PLEKHF2: variants seen among roughly 807,000 people sequenced by gnomAD.
The protein encoded by PLEKHF2 is pleckstrin homology domain-containing family F member 2.
In PLEKHF2, 4 loss-of-function variants were observed where a neutral mutation model predicts 14.7. That is an observed-to-expected ratio of 0.27 (90% confidence interval 0.13 to 0.62). PLEKHF2 has a LOEUF of 0.62. PLEKHF2 is among the 20% of genes least tolerant of loss of function. PLEKHF2 has a pLI of 0.85. For missense variants in PLEKHF2, 201 were observed against 307.7 expected, an observed-to-expected ratio of 0.65 and a Z score of 2.60; for synonymous variants, 90 against 103.5, an observed-to-expected ratio of 0.87 and a Z score of 0.79.
chr8:95,152,368 A>AT (rs1810572788), intron 1 of PLEKHF2, among the ~76,000 whole-genome samples: 1 of 152,122 alleles, frequency 6.6e-6, no homozygotes, highest in South Asian at 2.1e-4. Context: ...TAGATTGGTG[A>AT]ATACACATAT....
chr8:95,135,045 C>T (rs1456186064), intron 1 of PLEKHF2, among the ~76,000 whole-genome samples: 3 of 152,064 alleles, frequency 2.0e-5, no homozygotes, highest in Non-Finnish European at 4.4e-5. Context: ...GGGGTCTTCA[C>T]GTTAATTCAG....
chr8:95,134,068 A>G (rs1342532230), intron 1 of PLEKHF2, 38 bp downstream of exon 1: 3 of 147,122 alleles, frequency 2.0e-5, no homozygotes, highest in Admixed American at 2.0e-4. Context: ...CCGGCTCCTG[A>G]CGGGCCGGGA....
chr8:95,134,808 GTTGT>G (rs964399216), intron 1 of PLEKHF2, among the ~76,000 whole-genome samples: 2 of 152,132 alleles, frequency 1.3e-5, no homozygotes, highest in African/African-American at 4.8e-5. Flanking sequence ...CACAAAACGC[GTTGT>G]TGATAAATGC....
chr8:95,141,528 C>CT (rs955573905), intron 1 of PLEKHF2, among the ~76,000 whole-genome samples: 18 of 150,030 alleles, frequency 1.2e-4, no homozygotes, highest in South Asian at 4.2e-4. Context: ...TACAGTGTAA[C>CT]TTTTTTTTTT....
intron 1 of PLEKHF2, among the ~76,000 whole-genome samples, chr8:95,142,759 T>C (rs1402561567): frequency 6.6e-6 from 1 of 152,174 alleles, no homozygotes; most frequent in Non-Finnish European, 1.5e-5. Flanking sequence ...TACCATGAGA[T>C]TGAAATTTTT....
intron 1 of PLEKHF2, among the ~76,000 whole-genome samples, chr8:95,151,771 G>A (rs1261027501): frequency 6.6e-6 from 1 of 151,862 alleles, no homozygotes; most frequent in Non-Finnish European, 1.5e-5. Flanking sequence ...CTAAGTGCCT[G>A]ACAAATACTT....
intron 1 of PLEKHF2, among the ~76,000 whole-genome samples, chr8:95,138,298 T>G (rs1331741329): frequency 6.6e-6 from 1 of 150,824 alleles, no homozygotes; most frequent in Non-Finnish European, 1.5e-5. Context: ...CTAAAATGAT[T>G]AAGATTTTAT....
intron 1 of PLEKHF2, among the ~76,000 whole-genome samples, chr8:95,144,285 T>C (rs1810468693): frequency 6.6e-6 from 1 of 152,252 alleles, no homozygotes; most frequent in Non-Finnish European, 1.5e-5. Context: ...TTTTCTAAAA[T>C]ATTCAACTAT....
chr8:95,135,067 G>T (rs7842334), intron 1 of PLEKHF2, among the ~76,000 whole-genome samples: 12,095 of 152,124 alleles, frequency 0.08, 654 homozygotes, highest in African/African-American at 0.14. Context: ...ATTAACGAAG[G>T]CTTCATTATA....
chr8:95,144,369 A>G (rs931974507), intron 1 of PLEKHF2, among the ~76,000 whole-genome samples: 6 of 152,200 alleles, frequency 3.9e-5, no homozygotes, highest in African/African-American at 1.2e-4. Flanking sequence ...AGTACCCTAA[A>G]TTAGTCATAG....
chr8:95,149,385 T>C (rs1055172745), intron 1 of PLEKHF2, among the ~76,000 whole-genome samples: 3 of 152,196 alleles, frequency 2.0e-5, no homozygotes, highest in African/African-American at 7.2e-5. Context: ...TATTTATTTA[T>C]GGGCTTTCTC....
At chr8:95,144,684 T>A (rs1810476595) in intron 1 of PLEKHF2, among the ~76,000 whole-genome samples, 1 of 151,926 alleles carries the variant, frequency 6.6e-6, no homozygotes, top group African/African-American at 2.4e-5. Flanking sequence ...CTGGCCAACA[T>A]GATGAAACCT....
chr8:95,137,052 T>C (rs1474550975), intron 1 of PLEKHF2, among the ~76,000 whole-genome samples: 1 of 152,210 alleles, frequency 6.6e-6, no homozygotes, highest in Non-Finnish European at 1.5e-5. Context: ...GTGAATGCAC[T>C]GGAAAGAAAG....
intron 1 of PLEKHF2, among the ~76,000 whole-genome samples, chr8:95,135,940 T>G (rs572318994): frequency 3.3e-5 from 5 of 152,302 alleles, no homozygotes; most frequent in African/African-American, 9.6e-5. Flanking sequence ...TGTGATGAAA[T>G]TTTTTCCTTA....
At chr8:95,140,110 T>G (rs1239991824) in intron 1 of PLEKHF2, among the ~76,000 whole-genome samples, 1 of 152,192 alleles carries the variant, frequency 6.6e-6, no homozygotes, top group Non-Finnish European at 1.5e-5. Context: ...GCAGATGTGT[T>G]TGTCTTGTGG....
chr8:95,154,394 C>T lies in PLEKHF2; in HGVS notation c.350C>T (p.Thr117Met), dbSNP rs374267775. Reference sequence around the variant, plus strand: ...TTTGCAGTTTATGCTGCCACTGCTACGGAGAAATCAGAATGGATGAATCAT... The same window carrying T: ...TTTGCAGTTTATGCTGCCACTGCTATGGAGAAATCAGAATGGATGAATCAT... ...KSFAVYAATATEKSEWMNHIN... is the reference protein window; with the variant it reads ...KSFAVYAATAMEKSEWMNHIN... Residue 117 changes from threonine (T) to methionine (M), a missense_variant, in exon 2 of 2, where the codon ACG becomes ATG. Physicochemically the swap from Thr to Met is moderately conservative, Grantham distance 81. Coordinates refer to ENST00000315367, the MANE Select transcript of PLEKHF2 (RefSeq NM_024613.4). The surrounding 1 kb of genome is among the most constrained non-coding windows in gnomAD (Gnocchi z 5.6). The T allele has an allele frequency of 1.2e-5, 20 of 1,613,948 alleles. No individual in the cohort carries two copies. The highest frequency in any genetic ancestry group is 2.2e-5 in the East Asian group (1 of 44,900).
chr8:95,151,140 G>T (rs557748560), intron 1 of PLEKHF2, among the ~76,000 whole-genome samples: 2 of 152,174 alleles, frequency 1.3e-5, no homozygotes, highest in Admixed American at 1.3e-4. Context: ...ATTATTAGAT[G>T]CTTCTTTGGG....
At chr8:95,136,966 A>G (rs1445691227) in intron 1 of PLEKHF2, among the ~76,000 whole-genome samples, 1 of 152,166 alleles carries the variant, frequency 6.6e-6, no homozygotes, top group Non-Finnish European at 1.5e-5. Context: ...TCCCCTGTCA[A>G]ACTGTAAACC....
intron 1 of PLEKHF2, among the ~76,000 whole-genome samples, chr8:95,141,516 T>C (rs1810438875): frequency 6.6e-6 from 1 of 152,162 alleles, no homozygotes; most frequent in Non-Finnish European, 1.5e-5. Flanking sequence ...CTGCTGCAGC[T>C]GTACAGTGTA....
Sources: gnomAD v4.1 joint callset for allele counts (sites outside exome capture counted in the v4.1 genomes callset) on GRCh38, gnomAD v4.1.1 for gene constraint, Gnocchi (gnomAD v3.1) non-coding constraint, MANE v1.5 for transcripts, NCBI Gene and HGNC (gene_info 2026-07-23, HGNC 2026-07-21) for gene names.